Variants in C7 observed in about 807,000 individuals in gnomAD.
C7 encodes complement component C7.
Under a neutral mutation model 104.8 loss-of-function variants are expected in C7, and 83 were observed. The observed-to-expected ratio is 0.79, with a 90% CI of 0.66 to 0.95. The LOEUF is 0.95. Ranked by LOEUF, C7 falls within the 40% of genes least tolerant of loss-of-function variation. The pLI is 0.00. For synonymous variants in C7, 415 were observed against 360.6 expected, an observed-to-expected ratio of 1.15 and a Z score of -1.71; for missense variants, 1,070 against 1,011.2, an observed-to-expected ratio of 1.06 and a Z score of -0.79.
chr5:40,946,301 C>T (rs1579855430), intron 7 of C7, among the ~76,000 whole-genome samples: 2 of 152,274 alleles, frequency 1.3e-5, no homozygotes, highest in South Asian at 2.1e-4. Flanking sequence ...AATTGATATA[C>T]AGTTATGGCT....
In C7 at chr5:40,944,569, A is replaced by C. The variant is rs558677687; in HGVS notation, c.568-629A>C. 2.0e-5 allele frequency among the ~76,000 whole-genome samples: 3 copies of C among 152,374 alleles called. No homozygotes were observed. The East Asian group carries it at 5.8e-4, about 29-fold the overall frequency. On this transcript the variant is annotated intron_variant, in intron 6 of 17. Coordinates refer to ENST00000313164, the MANE Select transcript of C7 (RefSeq NM_000587.4). ...TGACACTTGATCTAAAGCAAAATAAAGGATAAATGAATGATTGTCTCTTCA... is the reference window on the plus strand; with the variant it reads ...TGACACTTGATCTAAAGCAAAATAACGGATAAATGAATGATTGTCTCTTCA...
At chr5:40,926,548 T>C (rs1221969952) in intron 1 of C7, among the ~76,000 whole-genome samples, 1 of 152,188 alleles carries the variant, frequency 6.6e-6, no homozygotes, top group African/African-American at 2.4e-5. Flanking sequence ...CTGTTAGAAC[T>C]AATAAATGAA....
chr5:40,967,400 A>T (rs1740580689), intron 14 of C7: 1 of 152,098 alleles, frequency 6.6e-6, no homozygotes, highest in African/African-American at 2.4e-5. Flanking sequence ...CTAAGCTAGC[A>T]GTTATTTTTT....
chr5:40,972,786 G>T (rs780769392), intron 15 of C7, among the ~76,000 whole-genome samples, 192 bp downstream of exon 15: 2 of 152,184 alleles, frequency 1.3e-5, no homozygotes, highest in Non-Finnish European at 2.9e-5. Context: ...TGAAAGCAAG[G>T]AAAGGCAAGG....
chr5:40,915,565 A>G (rs1470300350), intron 1 of C7, among the ~76,000 whole-genome samples: 2 of 152,244 alleles, frequency 1.3e-5, no homozygotes, highest in African/African-American at 4.8e-5. Flanking sequence ...GGAAAGCCAC[A>G]TTATTGGAAA....
At chr5:40,945,122 T>C (rs1406982779) in intron 6 of C7, 76 bp from the exon 7 acceptor site, 3 of 766,532 alleles carry the variant, frequency 3.9e-6, no homozygotes, top group Non-Finnish European at 4.2e-6. Context: ...TTTGGGAAGA[T>C]TGCATGAAGA....
At chr5:40,945,893 T>C (rs1226217721) in intron 7 of C7, among the ~76,000 whole-genome samples, 4 of 124,834 alleles carry the variant, frequency 3.2e-5, no homozygotes, top group African/African-American at 1.1e-4. Context: ...TATATATATA[T>C]ATATATATAT....
chr5:40,956,584 C>G (rs987280600), intron 10 of C7, among the ~76,000 whole-genome samples: 3 of 152,224 alleles, frequency 2.0e-5, no homozygotes, highest in Non-Finnish European at 4.4e-5. Context: ...TTCAGTATAT[C>G]AATCTCAATG....
At chr5:40,960,773 A>G (rs542238226) in intron 12 of C7, among the ~76,000 whole-genome samples, 54 of 152,300 alleles carry the variant, frequency 3.5e-4, no homozygotes, top group Non-Finnish European at 7.5e-4. Flanking sequence ...CTCCCAGGCT[A>G]TTTGTACTGC....
At chr5:40,967,080 TTC>T (rs67714046) in intron 14 of C7, among the ~76,000 whole-genome samples, 29,283 of 145,754 alleles carry the variant, frequency 0.2, 3,494 homozygotes, top group South Asian at 0.4. Flanking sequence ...TTTTTTTTTT[TTC>T]TTTGAGATGG....
At chr5:40,976,178 A>G (rs920949034) in intron 15 of C7, among the ~76,000 whole-genome samples, 4 of 152,234 alleles carry the variant, frequency 2.6e-5, no homozygotes, top group East Asian at 1.9e-4. Context: ...AGACATTCAT[A>G]TGTAAGAGGT....
At chr5:40,937,107 A>G (rs867450602) in intron 5 of C7, 2 of 152,888 alleles carry the variant, frequency 1.3e-5, no homozygotes, top group Admixed American at 6.5e-5. Flanking sequence ...AAAATTTATT[A>G]ACAGAGAAAT....
intron 10 of C7, among the ~76,000 whole-genome samples, chr5:40,957,790 A>T (rs183338968): frequency 1.2e-4 from 18 of 144,386 alleles, no homozygotes; most frequent in African/African-American, 4.3e-4. Context: ...TTTAAATCTT[A>T]CGCATGCACA....
chr5:40,964,762 GT>G lies in C7; in HGVS notation c.1772del (p.Val591GlyfsTer5). 1 of 1,613,130 alleles carries G rather than the reference GT, an allele frequency of 6.2e-7. No homozygotes were observed. On this transcript the variant is annotated frameshift_variant, in exon 14 of 18. Transcript: ENST00000313164. LOFTEE classifies it high-confidence loss of function. The part of the protein sequence containing the change: ...FVQDEGTMFP[V>X]GKNVVYTCNE... ...TTAGGATGAAGGTACAATGTTTCCT[GT>G]GGGGAAAAATGTAGTGTACACTTGC...
At chr5:40,912,792 TATTC>T in intron 1 of C7, among the ~76,000 whole-genome samples, 1 of 152,332 alleles carries the variant, frequency 6.6e-6, no homozygotes, top group African/African-American at 2.4e-5. Flanking sequence ...TTGGAAATTT[TATTC>T]ATTTAGTTAT....
At chr5:40,915,361 C>T (rs1739297684) in intron 1 of C7, among the ~76,000 whole-genome samples, 1 of 152,094 alleles carries the variant, frequency 6.6e-6, no homozygotes, top group Admixed American at 6.6e-5. Context: ...TGGACCCACT[C>T]CTCCCTCATT....
chr5:40,959,004 C>T (rs1213367786), intron 11 of C7, among the ~76,000 whole-genome samples: 1 of 152,130 alleles, frequency 6.6e-6, no homozygotes, highest in Non-Finnish European at 1.5e-5. Flanking sequence ...AAATGTCTCT[C>T]CAAGTGGCCT....
intron 15 of C7, among the ~76,000 whole-genome samples, chr5:40,976,001 A>G (rs1377663181): frequency 6.6e-6 from 1 of 152,228 alleles, no homozygotes; most frequent in Non-Finnish European, 1.5e-5. Flanking sequence ...GGGATAGCTG[A>G]GGGGATGGCA....
chr5:40,929,565 T>G (rs1027591520), intron 2 of C7, among the ~76,000 whole-genome samples: 2 of 152,164 alleles, frequency 1.3e-5, no homozygotes, highest in Non-Finnish European at 2.9e-5. Context: ...AAGAATCATC[T>G]TGACTCAAGA....
Sources: gnomAD v4.1 joint callset for allele counts (sites outside exome capture counted in the v4.1 genomes callset) on GRCh38, gnomAD v4.1.1 for gene constraint, MANE v1.5 for transcripts, NCBI Gene and HGNC (gene_info 2026-07-23, HGNC 2026-07-21) for gene names.